The following TRPS1 variants were observed in gnomAD, a reference collection of about 807,000 sequenced individuals.
TRPS1 encodes zinc finger transcription factor Trps1.
TRPS1 carries 6 observed loss-of-function variants against 101.2 expected under a neutral mutation model. The observed-to-expected ratio is 0.06, with a 90% CI of 0.03 to 0.12. The LOEUF (loss-of-function observed/expected upper bound fraction) is 0.12, where lower values mean the gene tolerates loss of function less well. Ranked by LOEUF, TRPS1 falls within the 10% of genes least tolerant of loss-of-function variation. The probability of loss-of-function intolerance (pLI) is 1.00; values close to 1 mark genes in which losing one functional copy is unlikely to be tolerated. For missense variants in TRPS1, 1,363 were observed against 1,567.0 expected, an observed-to-expected ratio of 0.87 and a Z score of 2.20; for synonymous variants, 578 against 589.8, an observed-to-expected ratio of 0.98 and a Z score of 0.29.
At chr8:115,640,191 T>G (rs1261751466) in intron 1 of TRPS1, among the ~76,000 whole-genome samples, 1 of 152,220 alleles carries the variant, frequency 6.6e-6, no homozygotes. Context: ...AAAGGCACTT[T>G]GCAGAAATTC....
At chr8:115,519,381 G>A (rs1036618718) in intron 5 of TRPS1, among the ~76,000 whole-genome samples, 1 of 151,402 alleles carries the variant, frequency 6.6e-6, no homozygotes, top group Non-Finnish European at 1.5e-5. Context: ...AATCCACTAC[G>A]TAAATTTGAA....
At chr8:115,581,183 G>A (rs568515261) in intron 5 of TRPS1, among the ~76,000 whole-genome samples, 17 of 151,628 alleles carry the variant, frequency 1.1e-4, no homozygotes, top group African/African-American at 3.6e-4. Context: ...TCACTTATAT[G>A]TGGAAGCTAA....
In TRPS1 at chr8:115,409,732, G is replaced by A. The variant is rs920392421; in HGVS notation, c.*4291C>T. 10 of 152,042 alleles carry A rather than the reference G, an allele frequency of 6.6e-5. No homozygotes were observed. Among genetic ancestry groups the A allele is most frequent in the African/African-American group, 1.4e-4 (6 of 41,416 alleles). 9.4% of individuals were successfully genotyped at this position (152,042 alleles called of 1,614,324 possible). The stretch of plus-strand genomic sequence containing the variant: ...AATGCCCTCCAAAGTCCCGACGGGC[G>A]TCCTTCTATCTTCTTCTCATTTGCA... On this transcript the variant is annotated 3_prime_UTR_variant, in exon 7 of 7. Coordinates refer to ENST00000395715, the MANE Select transcript of TRPS1 (RefSeq NM_014112.5).
chr8:115,613,771 T>C (rs1410971795), intron 3 of TRPS1, among the ~76,000 whole-genome samples: 1 of 152,188 alleles, frequency 6.6e-6, no homozygotes, highest in Non-Finnish European at 1.5e-5. Context: ...TTAGTAAATT[T>C]TAGCTATTAT....
intron 5 of TRPS1, among the ~76,000 whole-genome samples, chr8:115,575,556 C>G (rs1289213553): frequency 1.3e-5 from 2 of 151,874 alleles, no homozygotes; most frequent in Non-Finnish European, 2.9e-5. Flanking sequence ...AAGATAATGC[C>G]AAGAAATCCT....
At chr8:115,640,733 G>T (rs1818876346) in intron 1 of TRPS1, among the ~76,000 whole-genome samples, 1 of 152,204 alleles carries the variant, frequency 6.6e-6, no homozygotes, top group African/African-American at 2.4e-5. Context: ...GTATCCGTAA[G>T]TGTTGAAGGG....
intron 5 of TRPS1, among the ~76,000 whole-genome samples, chr8:115,459,310 C>G (rs1465510198): frequency 6.9e-6 from 1 of 145,894 alleles, no homozygotes. Flanking sequence ...GGCAACAGAG[C>G]AAGACTCTGT....
chr8:115,482,195 AC>A (rs377541080), intron 5 of TRPS1, among the ~76,000 whole-genome samples: 1 of 152,176 alleles, frequency 6.6e-6, no homozygotes, highest in Non-Finnish European at 1.5e-5. Flanking sequence ...ATAGCAACTA[AC>A]CATTCATTCA....
chr8:115,478,900 TGTATATAA>T (rs1814680238), intron 5 of TRPS1, among the ~76,000 whole-genome samples: 1 of 148,588 alleles, frequency 6.7e-6, no homozygotes, highest in African/African-American at 2.5e-5. Context: ...TGTGTATATA[TGTATATAA>T]ATGTATATAT....
intron 5 of TRPS1, among the ~76,000 whole-genome samples, chr8:115,549,671 T>TA (rs36083510): frequency 0.083 from 9,455 of 114,010 alleles, 375 homozygotes; most frequent in Middle Eastern, 0.12. Flanking sequence ...AATACTCTAT[T>TA]AAAAAAAAAA....
At chr8:115,564,017 T>C (rs1817008820) in intron 5 of TRPS1, among the ~76,000 whole-genome samples, 1 of 152,100 alleles carries the variant, frequency 6.6e-6, no homozygotes, top group African/African-American at 2.4e-5. Context: ...ATCAGAGGTA[T>C]CCTAAACATT....
At chr8:115,543,210 C>G (rs1481153384) in intron 5 of TRPS1, among the ~76,000 whole-genome samples, 1 of 152,144 alleles carries the variant, frequency 6.6e-6, no homozygotes, top group African/African-American at 2.4e-5. Context: ...TATAGGGAAG[C>G]AGGCATGGTC....
chr8:115,617,101 T>C (rs1258866098), intron 3 of TRPS1, among the ~76,000 whole-genome samples: 1 of 152,232 alleles, frequency 6.6e-6, no homozygotes, highest in Non-Finnish European at 1.5e-5. Context: ...GTTAACCCTT[T>C]AGATGCGTTT....
intron 1 of TRPS1, among the ~76,000 whole-genome samples, chr8:115,650,740 T>G (rs1811540242): frequency 6.6e-6 from 1 of 152,220 alleles, no homozygotes; most frequent in African/African-American, 2.4e-5. Context: ...TATTATTCAG[T>G]TATCACTTGA....
intron 1 of TRPS1, 53 bp downstream of exon 1, chr8:115,668,492 C>G (rs1811986963): frequency 6.9e-6 from 1 of 145,906 alleles, no homozygotes; most frequent in African/African-American, 2.5e-5. Flanking sequence ...CCGCGCCCCC[C>G]GCGCCCCCCG....
chr8:115,433,667 A>C (rs150696326), intron 5 of TRPS1, among the ~76,000 whole-genome samples: 3 of 152,248 alleles, frequency 2.0e-5, no homozygotes, highest in Non-Finnish European at 4.4e-5. Flanking sequence ...TAATGCAAGA[A>C]AGTACTTCAG....
At chr8:115,426,698 T>G (rs925773235) in intron 5 of TRPS1, among the ~76,000 whole-genome samples, 1 of 152,136 alleles carries the variant, frequency 6.6e-6, no homozygotes, top group Non-Finnish European at 1.5e-5. Flanking sequence ...AAAAATAAAG[T>G]GTAAAATATT....
At chr8:115,422,339 A>G (rs2129787444) in intron 5 of TRPS1, among the ~76,000 whole-genome samples, 1 of 152,240 alleles carries the variant, frequency 6.6e-6, no homozygotes, top group Non-Finnish European at 1.5e-5. Context: ...CACATTCAAG[A>G]AAATTCATTG....
At chr8:115,638,870 G>T (rs1485583900) in intron 1 of TRPS1, among the ~76,000 whole-genome samples, 1 of 152,042 alleles carries the variant, frequency 6.6e-6, no homozygotes, top group African/African-American at 2.4e-5. Flanking sequence ...ATAAGATAAT[G>T]TATACTGAAA....
Sources: gnomAD v4.1 joint callset for allele counts (sites outside exome capture counted in the v4.1 genomes callset) on GRCh38, gnomAD v4.1.1 for gene constraint, MANE v1.5 for transcripts, NCBI Gene and HGNC (gene_info 2026-07-23, HGNC 2026-07-21) for gene names.